RAPGEF5: variants seen among roughly 807,000 people sequenced by gnomAD.
The protein encoded by RAPGEF5 is Rap guanine nucleotide exchange factor 5, also known as M-Ras-regulated GEF.
RAPGEF5 carries 65 observed loss-of-function variants against 125.2 expected under a neutral mutation model. The observed-to-expected ratio is 0.52, with a 90% CI of 0.43 to 0.64. RAPGEF5 has a LOEUF of 0.64. Among genes scored for constraint, RAPGEF5 ranks in the 30% least tolerant of loss-of-function variants. The pLI, the probability that RAPGEF5 is intolerant of heterozygous loss-of-function variation, is 0.00. For synonymous variants in RAPGEF5, 391 were observed against 385.9 expected (o/e 1.01, Z -0.16); for missense variants, 958 against 1,048.1 (o/e 0.91, Z 1.19).
At chr7:22,130,718 G>C (rs906413026) in intron 24 of RAPGEF5, among the ~76,000 whole-genome samples, 4 of 152,176 alleles carry the variant, frequency 2.6e-5, no homozygotes, top group African/African-American at 9.7e-5. Context: ...CCTGACAGCA[G>C]CCTTACAGTT....
chr7:22,139,117 G>GA (rs1392982818), intron 21 of RAPGEF5, among the ~76,000 whole-genome samples: 1 of 152,170 alleles, frequency 6.6e-6, no homozygotes, highest in African/African-American at 2.4e-5. Flanking sequence ...CCTATTCCGA[G>GA]AAAAAGATAG....
rs565900140 is a variant in RAPGEF5, at chr7:22,333,938, G to A, written c.232-15901C>T. 1.9e-4 allele frequency among the ~76,000 whole-genome samples: 29 copies of A among 152,250 alleles called. No individual in the cohort carries two copies. The East Asian group carries it at 5.2e-3, about 27-fold the overall frequency. ...GGCTCGTGCTTGTGCCCCAAGAAACGGTTAAACTACTGACCCTGAAGGCAA... is the reference window on the plus strand; with the variant it reads ...GGCTCGTGCTTGTGCCCCAAGAAACAGTTAAACTACTGACCCTGAAGGCAA... On this transcript the variant is annotated intron_variant, in intron 1 of 25. Transcript: ENST00000665637.
At chr7:22,267,714 G>A (rs1016321946) in intron 6 of RAPGEF5, among the ~76,000 whole-genome samples, 4 of 152,052 alleles carry the variant, frequency 2.6e-5, no homozygotes, top group Non-Finnish European at 5.9e-5. Flanking sequence ...AGCAGAACAC[G>A]AAACAGTGAC....
chr7:22,148,843 G>A (rs1783527926), intron 18 of RAPGEF5, among the ~76,000 whole-genome samples: 2 of 152,090 alleles, frequency 1.3e-5, no homozygotes, highest in African/African-American at 2.4e-5. Flanking sequence ...TTCCTCTACC[G>A]CAACAAGCCC....
chr7:22,171,578 A>G (rs935544827), intron 11 of RAPGEF5, among the ~76,000 whole-genome samples: 2 of 152,160 alleles, frequency 1.3e-5, no homozygotes, highest in African/African-American at 4.8e-5. Context: ...AGCTCACTGC[A>G]ACCTCCACCT....
intron 9 of RAPGEF5, among the ~76,000 whole-genome samples, chr7:22,212,000 A>G (rs1583485680): frequency 8.0e-6 from 1 of 124,698 alleles, no homozygotes; most frequent in African/African-American, 3.1e-5. Flanking sequence ...CGAGTCTCGC[A>G]CTGTTGCCCA....
chr7:22,187,387 T>G (rs1046660329), intron 11 of RAPGEF5, among the ~76,000 whole-genome samples: 12 of 152,172 alleles, frequency 7.9e-5, no homozygotes, highest in African/African-American at 2.9e-4. Flanking sequence ...ACTCAAGACT[T>G]TAGAATCTCA....
rs1583567799 is a variant in RAPGEF5 at position 22,308,550 on chromosome 7, ATTACTCAGAGAG to A, written c.512-55_512-44del. 2.9e-6 allele frequency: 4 copies of A among 1,389,068 alleles called. No individual in the cohort carries two copies. The South Asian group carries it at 5.9e-5, about 20-fold the overall frequency. 86.0% of individuals were successfully genotyped at this position (1,389,068 alleles called of 1,614,324 possible). A position where few individuals can be genotyped will look rare whatever the true frequency, so the allele number is the denominator to read the frequency against. ...TATATAGATCAATTTTTTAAAAGAT[ATTACTCAGAGAG>A]TAATAACTCAAATGATAAATTGAAA... On this transcript the variant is annotated intron_variant, in intron 4 of 25. Transcript: ENST00000665637.
At chr7:22,193,884 C>G (rs769826413) in intron 10 of RAPGEF5, 31 bp downstream of exon 10, 3 of 1,612,346 alleles carry the variant, frequency 1.9e-6, no homozygotes, top group Non-Finnish European at 2.5e-6. Context: ...AACGGGAGCG[C>G]GTGCCTCTGT....
intron 24 of RAPGEF5, among the ~76,000 whole-genome samples, chr7:22,129,204 G>A (rs1024683229): frequency 2.6e-5 from 4 of 152,168 alleles, no homozygotes; most frequent in South Asian, 2.1e-4. Context: ...ATCTGAGGGG[G>A]AAATGACATA....
intron 11 of RAPGEF5, among the ~76,000 whole-genome samples, chr7:22,190,971 T>A (rs1321872420): frequency 6.6e-6 from 1 of 152,168 alleles, no homozygotes; most frequent in Non-Finnish European, 1.5e-5. Flanking sequence ...AACATAAAAA[T>A]GCTGCTGTGT....
intron 9 of RAPGEF5, among the ~76,000 whole-genome samples, chr7:22,207,044 C>T (rs1032520052): frequency 1.3e-5 from 2 of 152,106 alleles, no homozygotes; most frequent in African/African-American, 4.8e-5. Flanking sequence ...TTCAACTACA[C>T]TAGAGATGTA....
At chr7:22,332,439 G>T (rs1236039743) in intron 1 of RAPGEF5, among the ~76,000 whole-genome samples, 1 of 152,174 alleles carries the variant, frequency 6.6e-6, no homozygotes, top group East Asian at 1.9e-4. Flanking sequence ...CAGTAAAAAA[G>T]TCATCATATA....
chr7:22,159,926 T>C lies in RAPGEF5; in HGVS notation c.1526+592A>G, dbSNP rs28515809. 4.4e-3 allele frequency among the ~76,000 whole-genome samples: 674 copies of C among 152,132 alleles called. 5 individuals are homozygous for C. Among genetic ancestry groups the C allele is most frequent in the African/African-American group, 0.016 (649 of 41,516 alleles). On this transcript the variant is annotated intron_variant, in intron 14 of 25. Transcript: ENST00000665637. Reference sequence around the variant, plus strand: ...GAGTTCAAGACCAGCCTGGCCAACATAGCTAAATCCCATCTCTACCAAAAA... The same window carrying C: ...GAGTTCAAGACCAGCCTGGCCAACACAGCTAAATCCCATCTCTACCAAAAA...
At chr7:22,294,376 G>A (rs1202071615) in intron 5 of RAPGEF5, among the ~76,000 whole-genome samples, 1 of 152,150 alleles carries the variant, frequency 6.6e-6, no homozygotes. Context: ...AGCCAGACCT[G>A]GTAACTCTCC....
At chr7:22,265,220 G>A (rs775680797) in intron 7 of RAPGEF5, among the ~76,000 whole-genome samples, 31 of 151,704 alleles carry the variant, frequency 2.0e-4, no homozygotes, top group Admixed American at 7.2e-4. Context: ...AATTTACTCC[G>A]TCTAACTATA....
At chr7:22,249,197 T>C (rs1209552110) in intron 7 of RAPGEF5, among the ~76,000 whole-genome samples, 1 of 152,180 alleles carries the variant, frequency 6.6e-6, no homozygotes, top group Non-Finnish European at 1.5e-5. Context: ...CTTTTTGTTT[T>C]GTTTTGTTTT....
intron 1 of RAPGEF5, among the ~76,000 whole-genome samples, chr7:22,349,109 G>T (rs1269532645): frequency 1.4e-5 from 2 of 140,550 alleles, no homozygotes; most frequent in African/African-American, 5.2e-5. Context: ...AAAAAAAAAA[G>T]CAATAAGACC....
In RAPGEF5 at chr7:22,199,112, G is replaced by A. The variant is rs189564818; in HGVS notation, c.997-5079C>T. 4.2e-4 allele frequency among the ~76,000 whole-genome samples: 64 copies of A among 152,302 alleles called. 1 individual carries two copies. The highest frequency in any genetic ancestry group is 3.4e-3 in the Middle Eastern group (1 of 294). On this transcript the variant is annotated intron_variant, in intron 9 of 25. Transcript: ENST00000665637. ...GAGAGTCAAAAGTTCTAGCATAGCCGGTTTTTAGTTCTGGATGGCCTGTCT... is the reference window on the plus strand; with the variant it reads ...GAGAGTCAAAAGTTCTAGCATAGCCAGTTTTTAGTTCTGGATGGCCTGTCT...
Sources: gnomAD v4.1 joint callset for allele counts (sites outside exome capture counted in the v4.1 genomes callset) on GRCh38, gnomAD v4.1.1 for gene constraint, MANE v1.5 for transcripts, NCBI Gene and HGNC (gene_info 2026-07-23, HGNC 2026-07-21) for gene names.